MTSS1: variants seen among roughly 807,000 people sequenced by gnomAD.
The protein encoded by MTSS1 is MTSS I-BAR domain containing 1.
MTSS1 carries 18 observed loss-of-function variants against 79.0 expected under a neutral mutation model. That is an observed-to-expected ratio of 0.23 (90% CI 0.16 to 0.34). The LOEUF is 0.34. MTSS1 is among the 10% of genes least tolerant of loss of function. MTSS1 has a pLI of 1.00. For synonymous variants in MTSS1, 341 were observed against 368.6 expected, an observed-to-expected ratio of 0.93 and a Z score of 0.86; for missense variants, 815 against 986.2, an observed-to-expected ratio of 0.83 and a Z score of 2.33.
chr8:124,712,861 G>T (rs1195073114), intron 1 of MTSS1, among the ~76,000 whole-genome samples: 1 of 151,892 alleles, frequency 6.6e-6, no homozygotes, highest in Admixed American at 6.6e-5. Context: ...TGCTCCATTT[G>T]TAACTATTAA....
At chr8:124,711,648 T>A (rs73345878) in intron 1 of MTSS1, among the ~76,000 whole-genome samples, 2,932 of 152,146 alleles carry the variant, frequency 0.019, 104 homozygotes, top group African/African-American at 0.068. Context: ...TGATTACAAC[T>A]GCAGATGGCC....
intron 3 of MTSS1, among the ~76,000 whole-genome samples, chr8:124,628,404 G>C (rs1454754821): frequency 1.3e-5 from 2 of 152,122 alleles, no homozygotes; most frequent in East Asian, 3.9e-4. Context: ...TAAATCCAGT[G>C]ATATGAACCG....
intron 3 of MTSS1, among the ~76,000 whole-genome samples, chr8:124,633,755 G>C (rs1353795140): frequency 6.7e-6 from 1 of 150,092 alleles, no homozygotes; most frequent in Non-Finnish European, 1.5e-5. Context: ...CTGGGCGACA[G>C]AGCAAGATCC....
At chr8:124,645,558 T>A (rs1398294179) in intron 3 of MTSS1, among the ~76,000 whole-genome samples, 2 of 152,204 alleles carry the variant, frequency 1.3e-5, no homozygotes, top group Non-Finnish European at 2.9e-5. Context: ...AGAACAGCTA[T>A]GCGGATATGT....
intron 3 of MTSS1, among the ~76,000 whole-genome samples, chr8:124,694,736 G>T (rs1828520697): frequency 6.6e-6 from 1 of 152,062 alleles, no homozygotes; most frequent in Non-Finnish European, 1.5e-5. Flanking sequence ...CTCAGCTCCT[G>T]TAATAGCCAC....
At chr8:124,648,715 C>CCCG (rs368698745) in intron 3 of MTSS1, among the ~76,000 whole-genome samples, 2 of 147,570 alleles carry the variant, frequency 1.4e-5, no homozygotes, top group African/African-American at 2.7e-5. Context: ...AGCAGCCCCC[C>CCCG]CCCAGATACT....
intron 3 of MTSS1, among the ~76,000 whole-genome samples, chr8:124,645,360 T>C (rs1818818004): frequency 6.6e-6 from 1 of 152,206 alleles, no homozygotes; most frequent in Admixed American, 6.5e-5. Flanking sequence ...CATTCCAGCC[T>C]GGGCAACAGA....
At chr8:124,554,997 C>G (rs1473662883) in intron 13 of MTSS1, among the ~76,000 whole-genome samples, 1 of 152,150 alleles carries the variant, frequency 6.6e-6, no homozygotes, top group Non-Finnish European at 1.5e-5. Flanking sequence ...GTGTGTGCTG[C>G]TACACCTGGC....
chr8:124,568,648 A>C (rs768439898), intron 6 of MTSS1, 112 bp from the exon 7 acceptor site: 20 of 1,518,308 alleles, frequency 1.3e-5, no homozygotes, highest in Middle Eastern at 1.7e-4. Context: ...TCCAGGATGT[A>C]AAAAAAGTAT....
In MTSS1 at chr8:124,553,303, C is replaced by T. The variant is rs757110027; in HGVS notation, c.1957G>A (p.Gly653Ser). 8 of 1,614,096 alleles carry T rather than the reference C, an allele frequency of 5.0e-6. No individual in the cohort carries two copies. The highest frequency in any genetic ancestry group is 3.3e-5 in the South Asian group (3 of 91,072). Reference protein sequence around the residue: ...HSPESPSVGEGPQGVTSMPSS... With the variant: ...HSPESPSVGESPQGVTSMPSS... ...GGCATGCTGGTGACACCTTGGGGGC[C>T]CTCACCCACAGATGGCGACTCAGGG... The change falls in exon 14 of 14, where the codon GGC (glycine) becomes AGC (serine). Residue 653 changes from glycine to serine, a missense_variant. Coordinates refer to ENST00000518547, the MANE Select transcript of MTSS1 (RefSeq NM_014751.6). The surrounding 1 kb of genome is among the most constrained non-coding windows in gnomAD (Gnocchi z 6.0).
intron 1 of MTSS1, among the ~76,000 whole-genome samples, chr8:124,723,144 C>T (rs906272604): frequency 6.6e-6 from 1 of 152,146 alleles, no homozygotes; most frequent in Non-Finnish European, 1.5e-5. Context: ...CAACTGAGAA[C>T]ACATAGCACA....
intron 3 of MTSS1, among the ~76,000 whole-genome samples, chr8:124,609,677 C>T (rs1167032140): frequency 6.6e-6 from 1 of 152,186 alleles, no homozygotes; most frequent in Non-Finnish European, 1.5e-5. Context: ...CTTACTGCTC[C>T]ACGGGCCTGT....
intron 3 of MTSS1, among the ~76,000 whole-genome samples, chr8:124,664,600 C>T (rs1822708324): frequency 1.3e-5 from 2 of 152,350 alleles, no homozygotes; most frequent in South Asian, 2.1e-4. Context: ...AGCATACACA[C>T]TCACAGCCTC....
chr8:124,706,184 G>C (rs1473944817), intron 1 of MTSS1, among the ~76,000 whole-genome samples: 1 of 152,100 alleles, frequency 6.6e-6, no homozygotes, highest in African/African-American at 2.4e-5. Flanking sequence ...TACTTCCCTA[G>C]CTGTCAATTC....
chr8:124,686,492 T>C (rs2135114490), intron 3 of MTSS1, among the ~76,000 whole-genome samples: 1 of 152,242 alleles, frequency 6.6e-6, no homozygotes, highest in East Asian at 1.9e-4. Context: ...ACTGTCGAAT[T>C]CCTAACATCA....
chr8:124,596,953 T>A (rs1434659432), intron 3 of MTSS1, among the ~76,000 whole-genome samples: 1 of 152,090 alleles, frequency 6.6e-6, no homozygotes, highest in Non-Finnish European at 1.5e-5. Context: ...CTTAATGACC[T>A]CATCCTAACT....
chr8:124,625,845 A>C (rs531161549), intron 3 of MTSS1, among the ~76,000 whole-genome samples: 5 of 152,324 alleles, frequency 3.3e-5, no homozygotes, highest in Admixed American at 3.3e-4. Flanking sequence ...ACCCTCATCC[A>C]CAACACTGTT....
At chr8:124,659,857 C>G (rs1445680439) in intron 3 of MTSS1, among the ~76,000 whole-genome samples, 1 of 152,170 alleles carries the variant, frequency 6.6e-6, no homozygotes, top group Non-Finnish European at 1.5e-5. Flanking sequence ...CTATCCCAAC[C>G]CAGAATTAGA....
At position 124,631,314 on chromosome 8, in the gene MTSS1, C is replaced by G. The variant is rs1277112543; in HGVS notation, c.209-40079G>C. Among the ~76,000 whole-genome samples, 3 of 152,188 alleles carry G rather than the reference C, an allele frequency of 2.0e-5. No individual in the cohort carries two copies. The East Asian group carries it at 5.8e-4, about 29-fold the overall frequency. ...CAATCTCCCTAATGACACAAAACGC[C>G]CTTTACTTCCAGAGCCAGCAAACAC... On this transcript the variant is annotated intron_variant, in intron 3 of 13. Coordinates refer to ENST00000518547, the MANE Select transcript of MTSS1 (RefSeq NM_014751.6).
Sources: allele counts gnomAD v4.1 joint callset (sites outside exome capture counted in the v4.1 genomes callset), GRCh38; gene constraint gnomAD v4.1.1; non-coding constraint Gnocchi (gnomAD v3.1); transcripts MANE v1.5; gene names NCBI Gene and HGNC (gene_info 2026-07-23, HGNC 2026-07-21).